AAMDC: variants seen among roughly 807,000 people sequenced by gnomAD.
AAMDC encodes the protein mth938 domain-containing protein.
A neutral mutation model predicts 15.5 loss-of-function variants in AAMDC; 16 were observed. The ratio of observed to expected loss-of-function variants is 1.03; its 90% confidence interval spans 0.70 to 1.57. The LOEUF is 1.57. Ranked by LOEUF, AAMDC falls within the 40% of genes most tolerant of loss-of-function variation. The pLI is 0.00. For synonymous variants in AAMDC, 51 were observed against 51.6 expected (o/e 0.99, Z 0.05); for missense variants, 141 against 144.9 (o/e 0.97, Z 0.14).
At chr11:77,839,980 A>T (rs1030674003) in intron 1 of AAMDC, among the ~76,000 whole-genome samples, 5 of 152,172 alleles carry the variant, frequency 3.3e-5, no homozygotes, top group Admixed American at 3.3e-4. Flanking sequence ...CGTAAAAAAG[A>T]TGTTACATGC....
At chr11:77,871,354 A>G (rs1343188062) in intron 3 of AAMDC, among the ~76,000 whole-genome samples, 2 of 152,256 alleles carry the variant, frequency 1.3e-5, no homozygotes, top group Non-Finnish European at 2.9e-5. Context: ...AAATTCATTT[A>G]CAGATATTTA....
At chr11:77,832,701 A>G (rs969097752) in intron 1 of AAMDC, among the ~76,000 whole-genome samples, 5 of 151,604 alleles carry the variant, frequency 3.3e-5, no homozygotes, top group East Asian at 1.9e-4. Flanking sequence ...TTTTAAGAAA[A>G]AAAAAAAAAA....
chr11:77,891,517 A>G (rs1236115286), intron 5 of AAMDC: 41 of 1,602,996 alleles, frequency 2.6e-5, no homozygotes, highest in Admixed American at 6.8e-5. Flanking sequence ...CCTGGATGAG[A>G]AAACGCATCT....
chr11:77,848,212 T>C (rs180750021), intron 2 of AAMDC, among the ~76,000 whole-genome samples: 139 of 152,338 alleles, frequency 9.1e-4, no homozygotes, highest in African/African-American at 3.3e-3. Flanking sequence ...CTGACAAAGG[T>C]TATCCAGACT....
At chr11:77,891,794 T>G in intron 5 of AAMDC, 1 of 1,611,986 alleles carries the variant, frequency 6.2e-7, no homozygotes, top group Non-Finnish European at 8.5e-7. Context: ...TCAAGGAGTT[T>G]GTCCACAAAG....
intron 5 of AAMDC, among the ~76,000 whole-genome samples, chr11:77,881,284 T>A (rs1951782536): frequency 6.6e-6 from 1 of 152,190 alleles, no homozygotes; most frequent in Non-Finnish European, 1.5e-5. Context: ...TGAAACATGG[T>A]CTATGACTGA....
intron 2 of AAMDC, among the ~76,000 whole-genome samples, chr11:77,862,399 G>A (rs1363423525): frequency 6.6e-6 from 1 of 152,204 alleles, no homozygotes; most frequent in Non-Finnish European, 1.5e-5. Context: ...AGGGTTATCT[G>A]AGAATTTACC....
intron 2 of AAMDC, among the ~76,000 whole-genome samples, chr11:77,843,898 G>A (rs985420497): frequency 6.6e-6 from 1 of 152,112 alleles, no homozygotes. Context: ...TTACATGGAT[G>A]GTGGCAGGCA....
At chr11:77,870,817 T>C (rs965314977) in intron 3 of AAMDC, among the ~76,000 whole-genome samples, 50 of 152,218 alleles carry the variant, frequency 3.3e-4, no homozygotes, top group Non-Finnish European at 1.2e-4. Context: ...CATATAGATA[T>C]ACGTTTATAT....
intron 1 of AAMDC, among the ~76,000 whole-genome samples, chr11:77,832,985 GTGTGTGTGTGTGTATA>G (rs1216910261): frequency 4.9e-4 from 12 of 24,646 alleles, no homozygotes; most frequent in African/African-American, 3.7e-3. Context: ...GTGTGTGTGT[GTGTGTGTGTGTGTATA>G]TATATATATT....
intron 1 of AAMDC, 91 bp from the exon 2 acceptor site, chr11:77,842,388 C>A: frequency 1.7e-6 from 2 of 1,210,374 alleles, no homozygotes; most frequent in Non-Finnish European, 2.3e-6. Context: ...CTTCTTAAAT[C>A]ATGGAGAATC....
chr11:77,859,778 A>G (rs1473005852), intron 2 of AAMDC, among the ~76,000 whole-genome samples: 2 of 152,252 alleles, frequency 1.3e-5, no homozygotes, highest in Non-Finnish European at 2.9e-5. Flanking sequence ...GTTATGTTCT[A>G]TCTTTTCTTC....
At chr11:77,878,148 G>T (rs1261175668) in intron 5 of AAMDC, among the ~76,000 whole-genome samples, 1 of 152,066 alleles carries the variant, frequency 6.6e-6, no homozygotes, top group African/African-American at 2.4e-5. Context: ...AGATCACGAG[G>T]TCAGGAGATC....
chr11:77,845,249 T>G (rs1217285503), intron 2 of AAMDC, among the ~76,000 whole-genome samples: 1 of 152,154 alleles, frequency 6.6e-6, no homozygotes, highest in African/African-American at 2.4e-5. Context: ...GGCGTTAGGG[T>G]GTCCTACAGG....
chr11:77,832,413 G>A (rs1477576721), intron 1 of AAMDC, among the ~76,000 whole-genome samples: 15 of 148,424 alleles, frequency 1.0e-4, no homozygotes, highest in African/African-American at 3.2e-4. Context: ...TGCAACCTCC[G>A]CCTCCCGGGT....
chr11:77,860,274 G>C (rs1950821200), intron 2 of AAMDC, among the ~76,000 whole-genome samples: 1 of 152,200 alleles, frequency 6.6e-6, no homozygotes, highest in Non-Finnish European at 1.5e-5. Flanking sequence ...TCCTTAATTA[G>C]TGTATATAAT....
intron 1 of AAMDC, among the ~76,000 whole-genome samples, chr11:77,826,823 A>T (rs1479446695): frequency 6.6e-6 from 1 of 152,204 alleles, no homozygotes; most frequent in Non-Finnish European, 1.5e-5. Context: ...ACTGAATTGG[A>T]GCTGGGTGCA....
chr11:77,904,820 A>G (rs1173884577), downstream of AAMDC, among the ~76,000 whole-genome samples: 2 of 152,214 alleles, frequency 1.3e-5, no homozygotes, highest in Non-Finnish European at 2.9e-5. Context: ...TTTGGGTTGT[A>G]TGCAGGATAG....
At chr11:77,846,535 C>T (rs780934061) in intron 2 of AAMDC, among the ~76,000 whole-genome samples, 61 of 152,106 alleles carry the variant, frequency 4.0e-4, no homozygotes, top group Admixed American at 2.6e-3. Context: ...GGAGAAACCC[C>T]GTCTCTACTA....
Sources: allele counts gnomAD v4.1 joint callset (sites outside exome capture counted in the v4.1 genomes callset), GRCh38; gene constraint gnomAD v4.1.1; transcripts MANE v1.5; gene names NCBI Gene and HGNC (gene_info 2026-07-23, HGNC 2026-07-21).